PCDHGB1: variants seen among roughly 807,000 people sequenced by gnomAD.
PCDHGB1 encodes the protein protocadherin gamma subfamily B, 1, also known as protocadherin gamma-B1.
Under a neutral mutation model 56.6 loss-of-function variants are expected in PCDHGB1, and 34 were observed. The observed-to-expected ratio is 0.60, with a 90% CI of 0.46 to 0.80. The LOEUF (loss-of-function observed/expected upper bound fraction) is 0.80. PCDHGB1 is among the 30% of genes least tolerant of loss of function. The pLI is 0.00. For synonymous variants in PCDHGB1, 561 were observed against 505.9 expected, an observed-to-expected ratio of 1.11 and a Z score of -1.46; for missense variants, 1,278 against 1,204.6, an observed-to-expected ratio of 1.06 and a Z score of -0.90.
intron 1 of PCDHGB1, chr5:141,420,985 C>T (rs1371634966): frequency 4.1e-6 from 2 of 487,950 alleles, no homozygotes; most frequent in African/African-American, 4.0e-5. Flanking sequence ...GGGCTCTAGG[C>T]GCCGCTGCTC....
chr5:141,365,055 T>G (rs181194736), intron 1 of PCDHGB1: 1 of 1,613,822 alleles, frequency 6.2e-7, no homozygotes, highest in Non-Finnish European at 8.5e-7. Context: ...GCGCCCCTGT[T>G]CACCCCATCC....
At chr5:141,356,326 T>C (rs1262084306) in intron 1 of PCDHGB1, 3 of 1,554,336 alleles carry the variant, frequency 1.9e-6, no homozygotes, top group Non-Finnish European at 2.6e-6. Flanking sequence ...TGACAGTGAC[T>C]CAGGAGGAAA....
chr5:141,353,252 T>C (rs1274889420), intron 1 of PCDHGB1, among the ~76,000 whole-genome samples: 1 of 152,210 alleles, frequency 6.6e-6, no homozygotes, highest in African/African-American at 2.4e-5. Context: ...CTTTTCTTAG[T>C]TGATATGCAA....
chr5:141,392,089 A>G (rs1278879227), intron 1 of PCDHGB1: 2 of 152,236 alleles, frequency 1.3e-5, no homozygotes, highest in Non-Finnish European at 2.9e-5. Context: ...ATTTAGAAGA[A>G]TAATTTAAAA....
rs763676784 is a variant in PCDHGB1 at position 141,374,276 on chromosome 5, C to A, written c.2409+21607C>A. The A allele has an allele frequency of 4.3e-6, 7 of 1,613,974 alleles. No individual in the cohort carries two copies. In the Admixed American group the frequency reaches 8.3e-5, roughly 19 times the overall value. On this transcript the variant is annotated intron_variant, in intron 1 of 3. Transcript: ENST00000523390. ...CCAGGAGTTGGCGGAGCACGGAGTC[C>A]GCATCGTCTCCAGAGGTAGGATGCA...
chr5:141,350,480 GT>G lies in PCDHGB1; in HGVS notation c.222del (p.Ser75ValfsTer8), dbSNP rs1758487780. On this transcript the variant is annotated frameshift_variant, in exon 1 of 4. Coordinates refer to ENST00000523390, the MANE Select transcript of PCDHGB1 (RefSeq NM_018922.3). LOFTEE classifies it high-confidence loss of function. ...GGTTAGTGCAGAGGATTATTTCAAC[GT>G]TAGTTTGGAGAGCGGGGATTTGTTA... Reference protein sequence around the residue: ...LRVSAEDYFNVSLESGDLLVN... With the variant: ...LRVSAEDYFNXSLESGDLLVN... 6 of 1,614,016 alleles carry G rather than the reference GT, an allele frequency of 3.7e-6. No homozygotes were observed. In the East Asian group the frequency reaches 1.1e-4, roughly 30 times the overall value.
intron 1 of PCDHGB1, chr5:141,355,716 C>T (rs886273708): frequency 6.2e-6 from 10 of 1,613,994 alleles, no homozygotes; most frequent in Non-Finnish European, 8.5e-6. Flanking sequence ...GTTACCAGCT[C>T]AACTCAAACG....
rs1263728099 is a variant in PCDHGB1, at chr5:141,476,079, G to T, written c.2410-18728G>T. Reference sequence around the variant, plus strand: ...AGTTTCTCAGCGAAATCTCAGGGACGATCTGGACCCCGCTGAGAGGAACTG... The same window carrying T: ...AGTTTCTCAGCGAAATCTCAGGGACTATCTGGACCCCGCTGAGAGGAACTG... On this transcript the variant is annotated intron_variant, in intron 1 of 3. Coordinates refer to ENST00000523390, the MANE Select transcript of PCDHGB1 (RefSeq NM_018922.3). This position sits in a 1 kb window ranked among gnomAD's most constrained non-coding sequence, Gnocchi z 7.6. 3 of 1,537,560 alleles carry T rather than the reference G, an allele frequency of 2.0e-6. No homozygotes were observed. Among genetic ancestry groups the T allele is most frequent in the African/African-American group, 1.4e-5 (1 of 72,808 alleles).
At position 141,372,056 on chromosome 5, in the gene PCDHGB1, C is replaced by T. The variant is rs1228124665; in HGVS notation, c.2409+19387C>T. ...TGAGCCTGCGCGTGTTGGTGGACGACCGCAACGACAATGCACCGCTGGTGC... is the reference window on the plus strand; with the variant it reads ...TGAGCCTGCGCGTGTTGGTGGACGATCGCAACGACAATGCACCGCTGGTGC... On this transcript the variant is annotated intron_variant, in intron 1 of 3. Transcript: ENST00000523390. The T allele has an allele frequency of 4.3e-6, 7 of 1,613,578 alleles. No individual in the cohort carries two copies. In the East Asian group the frequency reaches 1.6e-4, roughly 36 times the overall value.
At chr5:141,413,020 C>G in intron 1 of PCDHGB1, 7 of 693,768 alleles carry the variant, frequency 1.0e-5, no homozygotes, top group Non-Finnish European at 1.4e-5. Context: ...CTACACAAGC[C>G]CCACAAACCG....
Position 141,387,738 on chromosome 5 carries a change from A to G in PCDHGB1, c.2409+35069A>G, listed in dbSNP as rs972177545. On this transcript the variant is annotated intron_variant, in intron 1 of 3. Transcript: ENST00000523390. ...CAGACTCCCCAGCGCCAGCCTTTAC[A>G]CCGCTTCCTCCTCGGAAAAAGAAGA... 7 of 1,322,274 alleles carry G rather than the reference A, an allele frequency of 5.3e-6. No individual in the cohort carries two copies. The Admixed American group carries it at 1.1e-4, about 21-fold the overall frequency. 81.9% of individuals were successfully genotyped at this position (1,322,274 alleles called of 1,614,324 possible).
chr5:141,363,266 T>C (rs1308915609), intron 1 of PCDHGB1, among the ~76,000 whole-genome samples: 5 of 152,268 alleles, frequency 3.3e-5, no homozygotes, highest in African/African-American at 1.2e-4. Context: ...CTTAAAACTT[T>C]GCTTTTGAAT....
chr5:141,351,742 G>T lies in PCDHGB1; in HGVS notation c.1482G>T (p.Pro494=), dbSNP rs772414660. The T allele has an allele frequency of 6.2e-7, 1 of 1,613,676 alleles. No homozygotes were observed. The highest frequency in any genetic ancestry group is 1.7e-5 in the Admixed American group (1 of 60,038). The change falls in exon 1 of 4, where the codon CCG becomes CCT. Residue 494 remains proline, a synonymous_variant. Coordinates refer to ENST00000523390, the MANE Select transcript of PCDHGB1 (RefSeq NM_018922.3). The part of the protein sequence containing the change: ...SYSILASDLE[P]RELLSYVSVS... ...CTATTCTGGCCAGTGACCTGGAGCCGCGGGAGCTGTTGTCCTACGTGTCCG... is the reference window on the plus strand; with the variant it reads ...CTATTCTGGCCAGTGACCTGGAGCCTCGGGAGCTGTTGTCCTACGTGTCCG...
chr5:141,365,875 T>C (rs1408418320), intron 1 of PCDHGB1: 1 of 1,614,106 alleles, frequency 6.2e-7, no homozygotes, highest in South Asian at 1.1e-5. Flanking sequence ...GTGTCCTGTA[T>C]GCTCTGAGAT....
intron 1 of PCDHGB1, among the ~76,000 whole-genome samples, chr5:141,464,139 C>T (rs1200161549): frequency 6.6e-6 from 1 of 151,928 alleles, no homozygotes; most frequent in Admixed American, 6.6e-5. Flanking sequence ...GTGGTGGGCG[C>T]CTGTAGTCCC....
At position 141,418,522 on chromosome 5, in the gene PCDHGB1, C is replaced by T. The variant is rs751177053; in HGVS notation, c.2409+65853C>T. The T allele has an allele frequency of 1.5e-5, 24 of 1,613,884 alleles. No individual in the cohort carries two copies. The African/African-American group carries it at 2.7e-4, about 18-fold the overall frequency. ...CCGCCTTAGATGGTGGGGACCCTCC[C>T]CGAAGCGGTACTGCTCAGATAAGAA... is the stretch of plus-strand genomic sequence containing the variant. On this transcript the variant is annotated intron_variant, in intron 1 of 3. Transcript: ENST00000523390.
At chr5:141,366,020 T>A in intron 1 of PCDHGB1, 2 of 1,614,210 alleles carry the variant, frequency 1.2e-6, no homozygotes, top group South Asian at 2.2e-5. Flanking sequence ...TGAGATCCTG[T>A]ACCCCGCCCT....
At chr5:141,478,231 T>C (rs1423148) in intron 1 of PCDHGB1, 739,438 of 1,613,786 alleles carry the variant, frequency 0.46, 177,434 homozygotes, top group African/African-American at 0.83. Flanking sequence ...CTGTGGGGTT[T>C]GTGGTCACAG....
intron 1 of PCDHGB1, among the ~76,000 whole-genome samples, chr5:141,444,482 T>G (rs1346576719): frequency 6.6e-6 from 1 of 152,000 alleles, no homozygotes; most frequent in Non-Finnish European, 1.5e-5. Context: ...CGTACTGGAT[T>G]TATATTGTGT....
Sources: gnomAD v4.1 joint callset for allele counts (sites outside exome capture counted in the v4.1 genomes callset) on GRCh38, gnomAD v4.1.1 for gene constraint, Gnocchi (gnomAD v3.1) non-coding constraint, MANE v1.5 for transcripts, NCBI Gene and HGNC (gene_info 2026-07-23, HGNC 2026-07-21) for gene names.